The following CPT1A variants were observed in gnomAD, a reference collection of about 807,000 sequenced individuals.
CPT1A encodes carnitine palmitoyltransferase 1A, also known as carnitine O-palmitoyltransferase 1, liver isoform.
CPT1A carries 64 observed loss-of-function variants against 100.8 expected under a neutral mutation model. The ratio of observed to expected loss-of-function variants is 0.63; its 90% CI spans 0.52 to 0.78. CPT1A has a LOEUF of 0.78. Ranked by LOEUF, CPT1A falls within the 30% of genes least tolerant of loss-of-function variation. CPT1A has a pLI of 0.00. For synonymous variants in CPT1A, 363 were observed against 396.0 expected, an observed-to-expected ratio of 0.92 and a Z score of 0.99; for missense variants, 802 against 1,034.1, an observed-to-expected ratio of 0.78 and a Z score of 3.08.
At chr11:68,779,904 C>A (rs1472119742) in intron 12 of CPT1A, among the ~76,000 whole-genome samples, 1 of 151,808 alleles carries the variant, frequency 6.6e-6, no homozygotes, top group Admixed American at 6.6e-5. Flanking sequence ...AAAATGATGT[C>A]TTAGGTAAAA....
intron 1 of CPT1A, chr11:68,839,413 G>T: frequency 1.4e-6 from 1 of 730,584 alleles, no homozygotes; most frequent in Non-Finnish European, 1.7e-6. Context: ...GGAAAGGTCA[G>T]CAGCAGCCCC....
At chr11:68,767,054 G>A (rs1854828427) in intron 14 of CPT1A, among the ~76,000 whole-genome samples, 1 of 152,214 alleles carries the variant, frequency 6.6e-6, no homozygotes, top group South Asian at 2.1e-4. Flanking sequence ...GCCGTGCCCA[G>A]AACGCTTCAC....
In CPT1A at chr11:68,756,382, A is replaced by G. The variant is rs1334986389; in HGVS notation, c.*1262T>C. On this transcript the variant is annotated 3_prime_UTR_variant, in exon 19 of 19. Transcript: ENST00000265641. ...TCAGTGCATAATTGCTTTGTGGTCC[A>G]TGAGACGCTTTCGTGAAGGCACTCC... The G allele has an allele frequency of 1.3e-5, 2 of 152,244 alleles. No individual in the cohort carries two copies. The highest frequency in any genetic ancestry group is 4.8e-5 in the African/African-American group (2 of 41,460). 9.4% of individuals were successfully genotyped at this position (152,244 alleles called of 1,614,324 possible).
At chr11:68,804,378 C>A (rs1457377849) in intron 4 of CPT1A, among the ~76,000 whole-genome samples, 1 of 152,136 alleles carries the variant, frequency 6.6e-6, no homozygotes. Flanking sequence ...AAGCATATAA[C>A]CCTGCCCTCC....
intron 14 of CPT1A, 87 bp from the exon 15 acceptor site, chr11:68,762,848 G>A: frequency 1.9e-6 from 3 of 1,560,358 alleles, no homozygotes; most frequent in Non-Finnish European, 2.6e-6. Flanking sequence ...TTGGCAAGGA[G>A]ACGTGGACTT....
chr11:68,811,574 G>A (rs1365919441), intron 3 of CPT1A, among the ~76,000 whole-genome samples: 1 of 152,180 alleles, frequency 6.6e-6, no homozygotes, highest in Non-Finnish European at 1.5e-5. Flanking sequence ...GTGCTACACT[G>A]AAGAAAGCAC....
At chr11:68,806,442 G>A (rs1856048655) in intron 4 of CPT1A, among the ~76,000 whole-genome samples, 1 of 152,022 alleles carries the variant, frequency 6.6e-6, no homozygotes, top group Non-Finnish European at 1.5e-5. Flanking sequence ...AGACCAGCCT[G>A]GCCAACAAAA....
intron 1 of CPT1A, among the ~76,000 whole-genome samples, chr11:68,817,106 T>TGTGGTTGTGTGTGTGTG (rs1566379265): frequency 7.3e-6 from 1 of 137,184 alleles, no homozygotes; most frequent in African/African-American, 2.9e-5. Context: ...GTGTGGTGTG[T>TGTGGTTGTGTGTGTGTG]GTGTGTGGGT....
At chr11:68,767,659 T>G (rs1594321942) in intron 14 of CPT1A, among the ~76,000 whole-genome samples, 1 of 152,046 alleles carries the variant, frequency 6.6e-6, no homozygotes, top group East Asian at 1.9e-4. Context: ...TGTGTGAAAA[T>G]ACCCTATTTT....
chr11:68,842,666 G>A (rs1332105390), upstream of CPT1A, among the ~76,000 whole-genome samples: 1 of 152,192 alleles, frequency 6.6e-6, no homozygotes, highest in Non-Finnish European at 1.5e-5. Context: ...TGCTGGGAGA[G>A]GAGTAGCTGG....
At position 68,757,482 on chromosome 11, in the gene CPT1A, A is replaced by T; in HGVS notation, c.*162T>A. 6.7e-7 allele frequency: 1 copy of T among 1,500,194 alleles called. No individual in the cohort carries two copies. The highest frequency in any genetic ancestry group is 8.9e-7 in the Non-Finnish European group (1 of 1,129,746). The allele number at this position is 1,500,194 out of a possible 1,614,324, so 92.9% of individuals were successfully genotyped here. ...AGTGGGGTTATGCTTCACAGGGGAG[A>T]GATACTGTTCTAGGAAAAAAAAACA... On this transcript the variant is annotated 3_prime_UTR_variant, in exon 19 of 19. Coordinates refer to ENST00000265641, the MANE Select transcript of CPT1A (RefSeq NM_001876.4).
chr11:68,802,896 CA>C (rs901808584), intron 5 of CPT1A, among the ~76,000 whole-genome samples: 1,245 of 44,972 alleles, frequency 0.028, 2 homozygotes, highest in African/African-American at 0.052. Context: ...GACCCTGTCT[CA>C]AAAAAAAAAA....
intron 1 of CPT1A, among the ~76,000 whole-genome samples, chr11:68,835,134 AAAG>A (rs1174971707): frequency 6.6e-6 from 1 of 152,244 alleles, no homozygotes; most frequent in African/African-American, 2.4e-5. Context: ...ACAATTTTAT[AAAG>A]AAGATAGCCA....
At chr11:68,764,420 A>C (rs1854725441) in intron 14 of CPT1A, among the ~76,000 whole-genome samples, 1 of 152,192 alleles carries the variant, frequency 6.6e-6, no homozygotes, top group South Asian at 2.1e-4. Flanking sequence ...GATACTGTCA[A>C]ATGAACCCAG....
intron 1 of CPT1A, among the ~76,000 whole-genome samples, chr11:68,823,384 A>G (rs1856636076): frequency 6.6e-6 from 1 of 152,128 alleles, no homozygotes. Context: ...GCACCTAACC[A>G]TTCTCTCCTC....
chr11:68,807,702 CG>C (rs1448475740), intron 3 of CPT1A, 64 bp from the exon 4 acceptor site: 5 of 1,530,230 alleles, frequency 3.3e-6, no homozygotes, highest in Non-Finnish European at 4.5e-6. Flanking sequence ...CCAACACCAC[CG>C]GTGACGCCAC....
chr11:68,759,492 T>A, intron 18 of CPT1A, 77 bp downstream of exon 18: 4 of 961,002 alleles, frequency 4.2e-6, no homozygotes, highest in Non-Finnish European at 6.8e-6. Flanking sequence ...TTCTGTCAAA[T>A]TAAAGATGTG....
chr11:68,822,720 G>GAA (rs1856617378), intron 1 of CPT1A, among the ~76,000 whole-genome samples: 1 of 152,054 alleles, frequency 6.6e-6, no homozygotes, highest in Non-Finnish European at 1.5e-5. Context: ...ATATAATGTG[G>GAA]TCCATCCATA....
chr11:68,801,577 C>T (rs1463345559), intron 5 of CPT1A, among the ~76,000 whole-genome samples: 2 of 150,226 alleles, frequency 1.3e-5, no homozygotes, highest in Non-Finnish European at 2.9e-5. Context: ...CTGCAGTGAG[C>T]TGAGATCATG....
Sources: allele counts gnomAD v4.1 joint callset (sites outside exome capture counted in the v4.1 genomes callset), GRCh38; gene constraint gnomAD v4.1.1; transcripts MANE v1.5; gene names NCBI Gene and HGNC (gene_info 2026-07-23, HGNC 2026-07-21).